Variants in CSMD1 observed in about 807,000 individuals in gnomAD.
CSMD1 encodes the protein CUB and sushi domain-containing protein 1.
Under a neutral mutation model 417.5 loss-of-function variants are expected in CSMD1, and 213 were observed. That is an observed-to-expected ratio of 0.51 (90% CI 0.46 to 0.57). The LOEUF (loss-of-function observed/expected upper bound fraction) is 0.57. Ranked by LOEUF, CSMD1 falls within the 20% of genes least tolerant of loss-of-function variation. CSMD1 has a pLI of 0.00. For missense variants in CSMD1, 6,923 were observed against 4,529.7 expected (o/e 1.53, Z -15.17); for synonymous variants, 2,862 against 1,736.8 (o/e 1.65, Z -16.11).
At chr8:4,598,254 C>T (rs1453896374) in intron 2 of CSMD1, among the ~76,000 whole-genome samples, 2 of 152,196 alleles carry the variant, frequency 1.3e-5, no homozygotes, top group African/African-American at 2.4e-5. Context: ...ATGCCACACT[C>T]ACCTTGCTCA....
chr8:3,836,346 G>A (rs562555498), intron 5 of CSMD1, among the ~76,000 whole-genome samples: 8 of 152,194 alleles, frequency 5.3e-5, no homozygotes, highest in African/African-American at 1.9e-4. Context: ...AGATCTATGA[G>A]GAACTAGCTA....
chr8:3,970,160 T>C (rs929372996), intron 5 of CSMD1, among the ~76,000 whole-genome samples: 1 of 151,802 alleles, frequency 6.6e-6, no homozygotes, highest in Non-Finnish European at 1.5e-5. Context: ...TATGTGACAT[T>C]TGGCAGTTGA....
chr8:4,792,483 C>G (rs1004378991), intron 1 of CSMD1, among the ~76,000 whole-genome samples: 1 of 152,176 alleles, frequency 6.6e-6, no homozygotes, highest in Non-Finnish European at 1.5e-5. Context: ...TCTTCATTTT[C>G]TATTCCCGTT....
chr8:3,834,963 A>G (rs1234371711), intron 5 of CSMD1, among the ~76,000 whole-genome samples: 1 of 152,170 alleles, frequency 6.6e-6, no homozygotes, highest in Non-Finnish European at 1.5e-5. Context: ...AAACACATGA[A>G]AAAATGCTCA....
At chr8:3,755,222 G>C (rs908405626) in intron 5 of CSMD1, among the ~76,000 whole-genome samples, 2 of 152,198 alleles carry the variant, frequency 1.3e-5, no homozygotes, top group Admixed American at 6.5e-5. Flanking sequence ...ATACAGGATT[G>C]CGTGCTGGCT....
At chr8:4,922,658 C>T (rs1014780467) in intron 1 of CSMD1, among the ~76,000 whole-genome samples, 1 of 152,150 alleles carries the variant, frequency 6.6e-6, no homozygotes, top group South Asian at 2.1e-4. Context: ...TCACATGGTG[C>T]AGCCTGGGAA....
chr8:4,727,596 A>G (rs1392702969), intron 1 of CSMD1, among the ~76,000 whole-genome samples: 1 of 152,180 alleles, frequency 6.6e-6, no homozygotes, highest in Admixed American at 6.5e-5. Flanking sequence ...AACGTCTTCT[A>G]GCTGTTAATG....
chr8:4,880,186 GGA>G (rs113667788), intron 1 of CSMD1, among the ~76,000 whole-genome samples: 7,268 of 152,024 alleles, frequency 0.048, 588 homozygotes, highest in African/African-American at 0.15. Context: ...TTCTCTTTCA[GGA>G]GAGAGTTAAG....
intron 5 of CSMD1, among the ~76,000 whole-genome samples, chr8:3,848,723 TG>T (rs1431939335): frequency 6.6e-6 from 1 of 152,134 alleles, no homozygotes; most frequent in African/African-American, 2.4e-5. Flanking sequence ...GAAAATGCAA[TG>T]GTCTTTTAGG....
intron 3 of CSMD1, among the ~76,000 whole-genome samples, chr8:4,034,285 T>C (rs753004422): frequency 1.2e-4 from 19 of 152,230 alleles, no homozygotes; most frequent in South Asian, 6.2e-4. Flanking sequence ...TGTTTAGATA[T>C]TGAATATTAT....
chr8:4,468,930 C>T (rs1015104110), intron 2 of CSMD1, among the ~76,000 whole-genome samples: 3 of 143,268 alleles, frequency 2.1e-5, no homozygotes, highest in Non-Finnish European at 4.7e-5. Flanking sequence ...GAAACAAGCT[C>T]ATTCTGTTTG....
At chr8:3,308,192 C>G (rs1300025349) in intron 24 of CSMD1, 120 bp downstream of exon 24, 2 of 764,748 alleles carry the variant, frequency 2.6e-6, no homozygotes, top group Non-Finnish European at 4.2e-6. Context: ...ATACATAAAA[C>G]TCACACTGGA....
At chr8:4,320,419 G>A (rs937146071) in intron 3 of CSMD1, among the ~76,000 whole-genome samples, 3 of 152,052 alleles carry the variant, frequency 2.0e-5, no homozygotes, top group Admixed American at 6.6e-5. Flanking sequence ...GCAGGTTTGT[G>A]ACATAGGTAG....
intron 2 of CSMD1, among the ~76,000 whole-genome samples, chr8:4,559,814 T>A (rs578100302): frequency 6.6e-6 from 1 of 152,358 alleles, no homozygotes; most frequent in East Asian, 1.9e-4. Flanking sequence ...CATCTCATGT[T>A]CACTTCGTGA....
intron 36 of CSMD1, chr8:3,182,872 G>GTGTGTGTGTGTGTGTGTGTC (rs1821474031): frequency 7.3e-6 from 1 of 136,782 alleles, no homozygotes; most frequent in Non-Finnish European, 1.6e-5. Context: ...GTGTGTGTGT[G>GTGTGTGTGTGTGTGTGTGTC]TGTGTGTGTG....
At chr8:3,053,149 A>G (rs747961724) in intron 49 of CSMD1, among the ~76,000 whole-genome samples, 2 of 152,192 alleles carry the variant, frequency 1.3e-5, no homozygotes, top group Non-Finnish European at 2.9e-5. Flanking sequence ...TTAAAGGTTA[A>G]ATGAGGAACA....
chr8:3,655,812 C>A (rs1382542409), intron 7 of CSMD1, among the ~76,000 whole-genome samples: 1 of 152,050 alleles, frequency 6.6e-6, no homozygotes, highest in African/African-American at 2.4e-5. Context: ...GAAAGTCTTC[C>A]AATATTTTCA....
In CSMD1 at chr8:2,937,824, G is replaced by A. The variant is rs1215190668; in HGVS notation, c.*761C>T. 2.6e-5 allele frequency: 4 copies of A among 152,644 alleles called. No homozygotes were observed. Among genetic ancestry groups the A allele is most frequent in the Admixed American group, 1.3e-4 (2 of 15,278 alleles). The allele number at this position is 152,644 out of a possible 1,614,324, so 9.5% of individuals were successfully genotyped here. ...AACTAAGCTGATGGGGGAATGTTTA[G>A]CTTGATAATATGAAATAATGCTTAT... On this transcript the variant is annotated 3_prime_UTR_variant, in exon 70 of 70. Transcript: ENST00000635120.
intron 5 of CSMD1, among the ~76,000 whole-genome samples, chr8:3,918,142 G>A (rs144590259): frequency 4.1e-4 from 62 of 152,126 alleles, no homozygotes; most frequent in African/African-American, 1.3e-3. Flanking sequence ...TGCTAATACT[G>A]CTCCAGTAAA....
Sources: gnomAD v4.1 joint callset for allele counts (sites outside exome capture counted in the v4.1 genomes callset) on GRCh38, gnomAD v4.1.1 for gene constraint, MANE v1.5 for transcripts, NCBI Gene and HGNC (gene_info 2026-07-23, HGNC 2026-07-21) for gene names.